TMEM144: variants seen among roughly 807,000 people sequenced by gnomAD.
TMEM144 encodes transmembrane protein 144.
In TMEM144, 39 loss-of-function variants were observed where a neutral mutation model predicts 43.6. The observed-to-expected ratio is 0.90, with a 90% CI of 0.69 to 1.17. The LOEUF is 1.17. Ranked by LOEUF, TMEM144 falls within the 50% of genes most tolerant of loss-of-function variation. The pLI is 0.00. For missense variants in TMEM144, 417 were observed against 411.9 expected, an observed-to-expected ratio of 1.01 and a Z score of -0.11; for synonymous variants, 154 against 133.6, an observed-to-expected ratio of 1.15 and a Z score of -1.06.
intron 6 of TMEM144, among the ~76,000 whole-genome samples, chr4:158,220,728 A>G (rs1205996519): frequency 6.6e-6 from 1 of 152,208 alleles, no homozygotes; most frequent in East Asian, 1.9e-4. Context: ...CAATTATTTT[A>G]TTAATAACAT....
intron 6 of TMEM144, among the ~76,000 whole-genome samples, chr4:158,230,844 G>A (rs1038057080): frequency 6.6e-6 from 1 of 152,002 alleles, no homozygotes; most frequent in Admixed American, 6.6e-5. Flanking sequence ...ATAAAAGACA[G>A]GTTGACAAGA....
At chr4:158,232,876 T>C in intron 6 of TMEM144, 25 bp from the exon 7 acceptor site, 2 of 1,520,208 alleles carry the variant, frequency 1.3e-6, no homozygotes, top group Non-Finnish European at 9.1e-7. Flanking sequence ...ATGATAAATA[T>C]CACTAAAATT....
chr4:158,235,294 G>C lies in TMEM144; in HGVS notation c.496-144G>C, dbSNP rs1041978561. ...AAACAATTAGAAACAGTTGAGTTTA[G>C]AGATATCAGAATGCATAGGTGACAT... On this transcript the variant is annotated intron_variant, in intron 7 of 12. Coordinates refer to ENST00000296529, the MANE Select transcript of TMEM144 (RefSeq NM_018342.5). The C allele has an allele frequency of 4.0e-6, 3 of 751,092 alleles. No individual in the cohort carries two copies. In the African/African-American group the frequency reaches 5.3e-5, roughly 13 times the overall value. 46.5% of individuals were successfully genotyped at this position (751,092 alleles called of 1,614,324 possible).
At chr4:158,249,084 T>G (rs1736041071) in intron 12 of TMEM144, among the ~76,000 whole-genome samples, 1 of 152,254 alleles carries the variant, frequency 6.6e-6, no homozygotes, top group South Asian at 2.1e-4. Flanking sequence ...TTTTTGTATT[T>G]TTAGTAGAGA....
chr4:158,220,013 G>A (rs1560822735), intron 6 of TMEM144, among the ~76,000 whole-genome samples: 3 of 152,188 alleles, frequency 2.0e-5, no homozygotes, highest in Non-Finnish European at 2.9e-5. Context: ...AACAGGAACT[G>A]GGTCACCTTA....
Position 158,254,754 on chromosome 4 carries a change from T to C in TMEM144, c.*1227T>C, listed in dbSNP as rs1736396574. 6.6e-6 allele frequency: 1 copy of C among 152,222 alleles called. No homozygotes were observed. Among genetic ancestry groups the C allele is most frequent in the Admixed American group, 6.5e-5 (1 of 15,278 alleles). The allele number at this position is 152,222 out of a possible 1,614,324, so 9.4% of individuals were successfully genotyped here. A position where few individuals can be genotyped will look rare whatever the true frequency, so the allele number is the denominator to read the frequency against. The stretch of plus-strand genomic sequence containing the variant: ...CACCTGATAGTACTGTTTATTACTT[T>C]GCTATGCAGGAGAAACAAAACAGCT... On this transcript the variant is annotated 3_prime_UTR_variant, in exon 13 of 13. Coordinates refer to ENST00000296529, the MANE Select transcript of TMEM144 (RefSeq NM_018342.5).
At chr4:158,248,012 A>G (rs1305681434) in intron 12 of TMEM144, among the ~76,000 whole-genome samples, 2 of 147,146 alleles carry the variant, frequency 1.4e-5, no homozygotes, top group African/African-American at 5.0e-5. Context: ...TAAAATAAGG[A>G]TTTCTAAACT....
chr4:158,238,986 C>G (rs1010704957), intron 9 of TMEM144, among the ~76,000 whole-genome samples: 4 of 152,148 alleles, frequency 2.6e-5, no homozygotes, highest in African/African-American at 7.2e-5. Context: ...AATATGTGCT[C>G]TGTCCTAAGT....
At position 158,254,817 on chromosome 4, in the gene TMEM144, G is replaced by A. The variant is rs879483230; in HGVS notation, c.*1290G>A. 5 of 152,066 alleles carry A rather than the reference G, an allele frequency of 3.3e-5. No homozygotes were observed. Among genetic ancestry groups the A allele is most frequent in the Non-Finnish European group, 7.4e-5 (5 of 68,020 alleles). 9.4% of individuals were successfully genotyped at this position (152,066 alleles called of 1,614,324 possible). On this transcript the variant is annotated 3_prime_UTR_variant, in exon 13 of 13. Coordinates refer to ENST00000296529, the MANE Select transcript of TMEM144 (RefSeq NM_018342.5). The stretch of plus-strand genomic sequence containing the variant: ...GTATACTCTGAAGTCAATGTGCATG[G>A]GTTAAATCCCACCTCTGCTTCATTT...
At chr4:158,226,073 G>A (rs906329532) in intron 6 of TMEM144, among the ~76,000 whole-genome samples, 4 of 152,198 alleles carry the variant, frequency 2.6e-5, no homozygotes, top group African/African-American at 7.2e-5. Context: ...TTTGTTTAAC[G>A]TGCAGATGGA....
At chr4:158,224,082 C>G (rs1560825052) in intron 6 of TMEM144, among the ~76,000 whole-genome samples, 1 of 151,926 alleles carries the variant, frequency 6.6e-6, no homozygotes, top group East Asian at 1.9e-4. Context: ...TATTGTTTCT[C>G]TTTTTTTTAA....
intron 10 of TMEM144, among the ~76,000 whole-genome samples, chr4:158,240,760 A>G (rs1374479394): frequency 6.6e-6 from 1 of 152,218 alleles, no homozygotes; most frequent in African/African-American, 2.4e-5. Flanking sequence ...CACTATCTAA[A>G]GGTTCATATA....
At chr4:158,222,158 T>C (rs928585855) in intron 6 of TMEM144, among the ~76,000 whole-genome samples, 2 of 152,346 alleles carry the variant, frequency 1.3e-5, no homozygotes, top group African/African-American at 4.8e-5. Context: ...ATACATGTGA[T>C]TGTAAAAAAT....
chr4:158,227,641 C>T (rs751930930), intron 6 of TMEM144, among the ~76,000 whole-genome samples: 11 of 152,016 alleles, frequency 7.2e-5, no homozygotes, highest in Non-Finnish European at 1.5e-4. Flanking sequence ...CTGCAGTTCT[C>T]TCAACCACTG....
chr4:158,225,513 G>C (rs1163973460), intron 6 of TMEM144, among the ~76,000 whole-genome samples: 2 of 152,062 alleles, frequency 1.3e-5, no homozygotes, highest in Non-Finnish European at 2.9e-5. Flanking sequence ...TTCCTTGTGG[G>C]GCCCCAATTG....
intron 12 of TMEM144, among the ~76,000 whole-genome samples, chr4:158,253,073 C>A (rs905476228): frequency 1.3e-5 from 2 of 152,200 alleles, no homozygotes. Context: ...CCACTTCCCA[C>A]CCTCCAAACC....
intron 6 of TMEM144, among the ~76,000 whole-genome samples, chr4:158,231,237 G>T (rs1207549318): frequency 1.3e-5 from 2 of 152,142 alleles, no homozygotes; most frequent in African/African-American, 4.8e-5. Context: ...TTTTGAGGAA[G>T]AGGGATTCTA....
At chr4:158,244,692 T>G (rs1053864730) in intron 12 of TMEM144, among the ~76,000 whole-genome samples, 3 of 152,044 alleles carry the variant, frequency 2.0e-5, no homozygotes, top group Non-Finnish European at 2.9e-5. Context: ...AAAATGGGAA[T>G]GCATTCAGGT....
chr4:158,227,331 C>T (rs1734824975), intron 6 of TMEM144, among the ~76,000 whole-genome samples: 1 of 152,052 alleles, frequency 6.6e-6, no homozygotes, highest in Non-Finnish European at 1.5e-5. Context: ...GCATTTGGGC[C>T]ATCCACGGGT....
Sources: allele counts gnomAD v4.1 joint callset (sites outside exome capture counted in the v4.1 genomes callset), GRCh38; gene constraint gnomAD v4.1.1; transcripts MANE v1.5; gene names NCBI Gene and HGNC (gene_info 2026-07-23, HGNC 2026-07-21).